GRIA1: variants seen among roughly 807,000 people sequenced by gnomAD.
GRIA1 encodes the protein glutamate ionotropic receptor AMPA type subunit 1.
Under a neutral mutation model 99.2 loss-of-function variants are expected in GRIA1, and 31 were observed. The observed-to-expected ratio is 0.31, with a 90% confidence interval of 0.23 to 0.42. GRIA1 has a LOEUF of 0.42. Ranked by LOEUF, GRIA1 falls within the 10% of genes least tolerant of loss-of-function variation. GRIA1 has a pLI of 1.00. For synonymous variants in GRIA1, 438 were observed against 432.4 expected (o/e 1.01, Z -0.16); for missense variants, 782 against 1,157.5 (o/e 0.68, Z 4.71).
At chr5:153,767,311 G>A (rs1329873389) in intron 12 of GRIA1, among the ~76,000 whole-genome samples, 1 of 152,184 alleles carries the variant, frequency 6.6e-6, no homozygotes, top group Non-Finnish European at 1.5e-5. Flanking sequence ...AGCTCAGAAA[G>A]GTTATGCTAC....
chr5:153,550,165 C>G (rs193160245), intron 2 of GRIA1, among the ~76,000 whole-genome samples: 2 of 151,006 alleles, frequency 1.3e-5, no homozygotes, highest in East Asian at 3.9e-4. Flanking sequence ...TTTTTTTTTC[C>G]TTTCCAGCTC....
At chr5:153,578,774 G>A (rs1159449706) in intron 2 of GRIA1, among the ~76,000 whole-genome samples, 1 of 152,156 alleles carries the variant, frequency 6.6e-6, no homozygotes, top group East Asian at 1.9e-4. Context: ...TGGGCATGGT[G>A]GCGTGCACCT....
chr5:153,646,154 A>G (rs1174258439), intron 2 of GRIA1, among the ~76,000 whole-genome samples: 2 of 152,232 alleles, frequency 1.3e-5, no homozygotes, highest in Non-Finnish European at 2.9e-5. Flanking sequence ...TTGGGATTCT[A>G]CAGAATCGGT....
intron 7 of GRIA1, among the ~76,000 whole-genome samples, chr5:153,679,786 C>A (rs762696817): frequency 2.6e-5 from 4 of 152,178 alleles, no homozygotes; most frequent in Non-Finnish European, 5.9e-5. Flanking sequence ...TGGGAGAGAA[C>A]CTGTGGTTTA....
intron 2 of GRIA1, among the ~76,000 whole-genome samples, chr5:153,552,186 C>T (rs1445592678): frequency 6.7e-6 from 1 of 149,182 alleles, no homozygotes; most frequent in Non-Finnish European, 1.5e-5. Flanking sequence ...ACTTTGCGAT[C>T]AACATTACAA....
chr5:153,751,726 A>G (rs1762522266), intron 11 of GRIA1, among the ~76,000 whole-genome samples: 1 of 152,230 alleles, frequency 6.6e-6, no homozygotes, highest in South Asian at 2.1e-4. Context: ...AGAACAAGAA[A>G]TGCCTATCGG....
intron 4 of GRIA1, among the ~76,000 whole-genome samples, chr5:153,654,656 A>C (rs1754808373): frequency 6.6e-6 from 1 of 152,206 alleles, no homozygotes; most frequent in South Asian, 2.1e-4. Flanking sequence ...ATGAGTCACT[A>C]TGCACATACA....
intron 2 of GRIA1, among the ~76,000 whole-genome samples, chr5:153,553,124 G>C (rs1420197365): frequency 1.3e-5 from 2 of 152,178 alleles, no homozygotes; most frequent in African/African-American, 4.8e-5. Context: ...GTGGAAAGTA[G>C]TTTTTCCTCT....
intron 2 of GRIA1, among the ~76,000 whole-genome samples, chr5:153,526,722 A>G (rs1007021784): frequency 1.3e-5 from 2 of 152,230 alleles, no homozygotes; most frequent in Admixed American, 1.3e-4. Context: ...CAGGAGGCAG[A>G]TCCTATTTGC....
rs1203149081 is a variant in GRIA1, at chr5:153,659,177, TAA to T, written c.699+3308_699+3309del. On this transcript the variant is annotated intron_variant, in intron 5 of 15. Transcript: ENST00000285900. Reference sequence around the variant, plus strand: ...CCAAATGCACCATGCTTTAAAAAGTTAAAAGTGTTCTGCACAAATGGAAAATT... The same window carrying T: ...CCAAATGCACCATGCTTTAAAAAGTTAAGTGTTCTGCACAAATGGAAAATT... 2.6e-5 allele frequency among the ~76,000 whole-genome samples: 4 copies of T among 152,306 alleles called. No individual in the cohort carries two copies. In the East Asian group the frequency reaches 7.7e-4, roughly 29 times the overall value.
chr5:153,608,676 T>G (rs1765668931), intron 2 of GRIA1, among the ~76,000 whole-genome samples: 1 of 152,248 alleles, frequency 6.6e-6, no homozygotes, highest in African/African-American at 2.4e-5. Flanking sequence ...TAGTTGATTA[T>G]GAAATTTATG....
chr5:153,575,017 A>G (rs1762410337), intron 2 of GRIA1, among the ~76,000 whole-genome samples: 1 of 152,220 alleles, frequency 6.6e-6, no homozygotes, highest in African/African-American at 2.4e-5. Context: ...CTGATAAAAA[A>G]GAGAACAGAC....
chr5:153,758,722 A>G (rs1762987947), intron 11 of GRIA1, among the ~76,000 whole-genome samples: 1 of 151,980 alleles, frequency 6.6e-6, no homozygotes, highest in African/African-American at 2.4e-5. Context: ...TGGACCTAAC[A>G]TACCTTTATA....
chr5:153,650,624 T>C, intron 4 of GRIA1, 110 bp downstream of exon 4: 1 of 962,920 alleles, frequency 1.0e-6, no homozygotes, highest in Non-Finnish European at 1.5e-6. Context: ...GGTTCTTGAC[T>C]AGGTGAGACT....
intron 2 of GRIA1, among the ~76,000 whole-genome samples, chr5:153,503,452 G>A (rs886913051): frequency 6.6e-6 from 1 of 152,176 alleles, no homozygotes. Flanking sequence ...AATCAAACAT[G>A]CTAGGCAAAC....
At chr5:153,604,198 T>C (rs1341963586) in intron 2 of GRIA1, among the ~76,000 whole-genome samples, 1 of 152,100 alleles carries the variant, frequency 6.6e-6, no homozygotes, top group Non-Finnish European at 1.5e-5. Context: ...ATTTCACCTG[T>C]TTTAGTCTCT....
chr5:153,715,323 C>T (rs188209128), intron 11 of GRIA1, among the ~76,000 whole-genome samples: 1 of 151,806 alleles, frequency 6.6e-6, no homozygotes, highest in Non-Finnish European at 1.5e-5. Flanking sequence ...ACTTTTCCCA[C>T]CTTTCCTGCT....
At chr5:153,761,190 A>T (rs189595897) in intron 11 of GRIA1, among the ~76,000 whole-genome samples, 2 of 152,316 alleles carry the variant, frequency 1.3e-5, no homozygotes, top group African/African-American at 4.8e-5. Flanking sequence ...GCATCAAACT[A>T]AAAAGCTTCA....
chr5:153,761,076 A>G (rs1283742381), intron 11 of GRIA1, among the ~76,000 whole-genome samples: 1 of 152,162 alleles, frequency 6.6e-6, no homozygotes, highest in African/African-American at 2.4e-5. Flanking sequence ...TGAAAGTACA[A>G]GATAAAAACA....
Sources: gnomAD v4.1 joint callset for allele counts (sites outside exome capture counted in the v4.1 genomes callset) on GRCh38, gnomAD v4.1.1 for gene constraint, MANE v1.5 for transcripts, NCBI Gene and HGNC (gene_info 2026-07-23, HGNC 2026-07-21) for gene names.